The following NOP56 variants were observed in gnomAD, a reference collection of about 807,000 sequenced individuals.
NOP56 encodes the protein NOP56 ribonucleoprotein.
Under a neutral mutation model 58.3 loss-of-function variants are expected in NOP56, and 31 were observed. That is an observed-to-expected ratio of 0.53 (90% CI 0.40 to 0.72). NOP56 has a LOEUF of 0.72. Among genes scored for constraint, NOP56 ranks in the 30% least tolerant of loss-of-function variants. The pLI, the probability that NOP56 is intolerant of heterozygous loss-of-function variation, is 0.00. For synonymous variants in NOP56, 313 were observed against 282.8 expected (o/e 1.11, Z -1.07); for missense variants, 669 against 739.9 (o/e 0.90, Z 1.11).
At chr20:2,656,302 A>C (rs2146296748) in intron 8 of NOP56, 99 bp from the exon 9 acceptor site, 1 of 1,601,820 alleles carries the variant, frequency 6.2e-7, no homozygotes, top group South Asian at 1.1e-5. Context: ...CCTGAGGCTC[A>C]CTCAGGACTT....
intron 11 of NOP56, chr20:2,657,459 C>T (rs574062063): frequency 7.1e-5 from 50 of 705,878 alleles, no homozygotes; most frequent in African/African-American, 1.9e-4. Context: ...GTTCTGTCCT[C>T]GGCTGCCTCC....
intron 3 of NOP56, 169 bp downstream of exon 3, chr20:2,653,562 C>T (rs78368547): frequency 3.3e-4 from 207 of 622,732 alleles, no homozygotes; most frequent in Admixed American, 5.0e-4. Context: ...TCACAGAGCT[C>T]AAGGTCTGGG....
intron 10 of NOP56, 87 bp downstream of exon 10, chr20:2,656,982 CA>C (rs1256538354): frequency 1.2e-6 from 2 of 1,613,332 alleles, no homozygotes; most frequent in South Asian, 1.1e-5. Context: ...AGAATGGAGG[CA>C]AAAAAACTGA....
At chr20:2,655,877 G>A in intron 7 of NOP56, 57 bp from the exon 8 acceptor site, 1 of 1,611,942 alleles carries the variant, frequency 6.2e-7, no homozygotes, top group Non-Finnish European at 8.5e-7. Flanking sequence ...GGGCTGTCGT[G>A]CAACTGGGCA....
chr20:2,653,318 A>G lies in NOP56; in HGVS notation c.133A>G (p.Ile45Val), dbSNP rs144187608. 3 of 1,614,036 alleles carry G rather than the reference A, an allele frequency of 1.9e-6. No individual in the cohort carries two copies. The highest frequency in any genetic ancestry group is 2.5e-6 in the Non-Finnish European group (3 of 1,180,028). ...SVLNLGKFHS[I>V]VRLVAFCPFA... The stretch of plus-strand genomic sequence containing the variant: ...GCTCAACCTGGGCAAATTCCACAGC[A>G]TCGTTCGTCTGGTGGCCTTTTGTCC... The change falls in exon 3 of 12, where the codon ATC (isoleucine) becomes GTC (valine). Residue 45 changes from isoleucine to valine, a missense_variant. Transcript: ENST00000329276.
intron 11 of NOP56, 79 bp downstream of exon 11, chr20:2,657,297 A>G (rs557471052): frequency 2.0e-4 from 315 of 1,599,718 alleles, no homozygotes; most frequent in Non-Finnish European, 2.4e-4. Context: ...TGCTGCATCA[A>G]GCTGTGGTCT....
At chr20:2,654,668 G>A in intron 4 of NOP56, 81 bp from the exon 5 acceptor site, 1 of 1,604,542 alleles carries the variant, frequency 6.2e-7, no homozygotes, top group South Asian at 1.1e-5. Flanking sequence ...TTCTGGGAAG[G>A]CCTTCAGGCT....
chr20:2,657,269 ACAG>A (rs767434693), intron 11 of NOP56, 51 bp downstream of exon 11: 14 of 1,612,614 alleles, frequency 8.7e-6, no homozygotes, highest in Non-Finnish European at 9.3e-6. Flanking sequence ...AGGATTTTCA[ACAG>A]CAGAACAAAG....
intron 1 of NOP56, 78 bp from the exon 2 acceptor site, chr20:2,652,759 GCCTGC>G: frequency 1.3e-5 from 20 of 1,498,762 alleles, no homozygotes; most frequent in African/African-American, 4.9e-5. Context: ...CTGGGCCTGC[GCCTGC>G]GCCTGCGCCT....
intron 5 of NOP56, 119 bp downstream of exon 5, chr20:2,655,066 A>G: frequency 7.8e-7 from 1 of 1,287,704 alleles, no homozygotes; most frequent in Non-Finnish European, 1.1e-6. Context: ...GGCTGGGTGT[A>G]GGCCTCCTGG....
chr20:2,656,910 G>A lies in NOP56; in HGVS notation c.1281+15G>A. 1 of 1,614,118 alleles carries A rather than the reference G, an allele frequency of 6.2e-7. No homozygotes were observed. Among genetic ancestry groups the A allele is most frequent in the South Asian group, 1.1e-5 (1 of 91,066 alleles). ...CAATGGTTCAGGTCAGTTGGGCTTT[G>A]CTGGGTGTGGAGTGGCATAGCTAGC... On this transcript the variant is annotated intron_variant, in intron 10 of 11. Coordinates refer to ENST00000329276, the MANE Select transcript of NOP56 (RefSeq NM_006392.4).
In NOP56 at chr20:2,657,814, AT is replaced by A. The variant is rs545750757; in HGVS notation, c.1420-114del. ...AAAGTTATACCCACACAATTAAACT[AT>A]CCCAGAAACACTGGGCAATGTTAAC... On this transcript the variant is annotated intron_variant, in intron 11 of 11. Transcript: ENST00000329276. 1,894 of 1,197,410 alleles carry A rather than the reference AT, an allele frequency of 1.6e-3. 3 individuals carry two copies. Among genetic ancestry groups the A allele is most frequent in the Non-Finnish European group, 2.0e-3 (1,708 of 852,294 alleles). The allele number at this position is 1,197,410 out of a possible 1,614,324, so 74.2% of individuals were successfully genotyped here.
At chr20:2,654,130 G>C (rs954471238) in intron 3 of NOP56, 1 of 635,582 alleles carries the variant, frequency 1.6e-6, no homozygotes, top group Non-Finnish European at 3.0e-6. Flanking sequence ...CGAAATACTC[G>C]AGGGTGTGTT....
rs778316830 is a variant in NOP56 at position 2,655,393 on chromosome 20, T to C, written c.638T>C (p.Leu213Pro). The stretch of plus-strand genomic sequence containing the variant: ...AACGACAATGCCACATACTGCCGTC[T>C]TGCCCAGTTTATTGGAAACCGAAGG... Reference protein sequence around the residue: ...IINDNATYCRLAQFIGNRREL... With the variant: ...IINDNATYCRPAQFIGNRREL... Residue 213 changes from leucine to proline, a missense_variant, in exon 6 of 12, where the codon CTT (leucine) becomes CCT (proline). Leu to Pro is a moderately conservative substitution (Grantham distance 98). Coordinates refer to ENST00000329276, the MANE Select transcript of NOP56 (RefSeq NM_006392.4). 1.2e-6 allele frequency: 2 copies of C among 1,614,148 alleles called. No homozygotes were observed. Among genetic ancestry groups the C allele is most frequent in the Non-Finnish European group, 1.7e-6 (2 of 1,180,038 alleles).
Position 2,656,783 on chromosome 20 carries a change from C to T in NOP56, c.1169C>T (p.Thr390Met), listed in dbSNP as rs1244539943. The T allele has an allele frequency of 4.3e-6, 7 of 1,614,062 alleles. No individual in the cohort carries two copies. Among genetic ancestry groups the T allele is most frequent in the Admixed American group, 1.7e-5 (1 of 60,010 alleles). Residue 390 changes from threonine (T) to methionine (M), a missense_variant, in exon 10 of 12, where the codon ACG becomes ATG. By Grantham distance (81) the Thr-to-Met change is moderately conservative (BLOSUM62 -1). This residue lies in a region of NOP56 where 339 missense variants were observed against 430.5 expected (regional missense o/e 0.79). Transcript: ENST00000329276. The stretch of plus-strand genomic sequence containing the variant: ...ACCCACACACATCCAGAGGTGCCCA[C>T]GAGTGTATTCGGGGAGAAGCTTCGA... ...SRIDCFSEVPTSVFGEKLREQ... is the reference protein window; with the variant it reads ...SRIDCFSEVPMSVFGEKLREQ...
rs1568541849 is a variant in NOP56, at chr20:2,655,433, C to CAAGCTGGAG, written c.688_696dup (p.Lys230_Glu232dup). 8 of 1,614,150 alleles carry CAAGCTGGAG rather than the reference C, an allele frequency of 5.0e-6. No individual in the cohort carries two copies. Among genetic ancestry groups the CAAGCTGGAG allele is most frequent in the African/African-American group, 1.3e-5 (1 of 75,030 alleles). ...GAAACCGAAGGGAACTGAATGAGGA[C>CAAGCTGGAG]AAGCTGGAGAAGCTGGAGGAGCTGA... is the stretch of plus-strand genomic sequence containing the variant. On this transcript the variant is annotated inframe_insertion, in exon 6 of 12. Coordinates refer to ENST00000329276, the MANE Select transcript of NOP56 (RefSeq NM_006392.4).
At position 2,657,130 on chromosome 20, in the gene NOP56, A is replaced by C. The variant is rs745837701; in HGVS notation, c.1331A>C (p.Lys444Thr). ...ACTAGGAAGCTGGAGAAACAGGAGAAGAAACGCTTAAAGAAGGAAAAGAAA... is the reference window on the plus strand; with the variant it reads ...ACTAGGAAGCTGGAGAAACAGGAGACGAAACGCTTAAAGAAGGAAAAGAAA... The part of the protein sequence containing the change: ...EITRKLEKQE[K>T]KRLKKEKKRL... The change falls in exon 11 of 12, where the codon AAG (lysine) becomes ACG (threonine). Residue 444 changes from lysine to threonine, a missense_variant. Coordinates refer to ENST00000329276, the MANE Select transcript of NOP56 (RefSeq NM_006392.4). 1.9e-6 allele frequency: 3 copies of C among 1,614,200 alleles called. No homozygotes were observed. The South Asian group carries it at 3.3e-5, about 18-fold the overall frequency.
intron 3 of NOP56, chr20:2,654,115 T>G (rs1302984877): frequency 1.7e-6 from 1 of 598,264 alleles, no homozygotes; most frequent in Admixed American, 1.9e-5. Flanking sequence ...AGAAGGCAAA[T>G]TCTACGAAAT....
chr20:2,654,981 C>T (rs6037244), intron 5 of NOP56, 34 bp downstream of exon 5: 1 of 1,610,732 alleles, frequency 6.2e-7, no homozygotes, highest in East Asian at 2.2e-5. Context: ...ATACTGGAGC[C>T]TTTGGTCTGT....
Sources: allele counts gnomAD v4.1 joint callset, GRCh38; gene constraint gnomAD v4.1.1; regional missense constraint gnomAD v4.1.1; transcripts MANE v1.5; gene names NCBI Gene and HGNC (gene_info 2026-07-23, HGNC 2026-07-21).